The following CDH10 variants were observed in gnomAD, a reference collection of about 807,000 sequenced individuals.
The protein encoded by CDH10 is cadherin 10, also known as cadherin-10.
Under a neutral mutation model 73.1 loss-of-function variants are expected in CDH10, and 30 were observed. That is an observed-to-expected ratio of 0.41 (90% CI 0.31 to 0.56). CDH10 has a LOEUF of 0.56. Ranked by LOEUF, CDH10 falls within the 20% of genes least tolerant of loss-of-function variation. The probability of loss-of-function intolerance (pLI) is 0.27; values close to 1 mark genes in which losing one functional copy is unlikely to be tolerated. For missense variants in CDH10, 815 were observed against 973.7 expected (o/e 0.84, Z 2.17); for synonymous variants, 345 against 348.2 (o/e 0.99, Z 0.10).
At chr5:24,571,134 C>A (rs1054573796) in intron 2 of CDH10, among the ~76,000 whole-genome samples, 2 of 152,090 alleles carry the variant, frequency 1.3e-5, no homozygotes, top group Non-Finnish European at 2.9e-5. Flanking sequence ...CCAATATTTT[C>A]TTTTCATGGA....
chr5:24,560,571 T>A (rs1326705000), intron 2 of CDH10, among the ~76,000 whole-genome samples: 1 of 152,110 alleles, frequency 6.6e-6, no homozygotes, highest in African/African-American at 2.4e-5. Context: ...GCATATTTAT[T>A]ACCTAATTTT....
chr5:24,602,011 G>T (rs1746581301), intron 1 of CDH10, among the ~76,000 whole-genome samples: 1 of 152,032 alleles, frequency 6.6e-6, no homozygotes, highest in South Asian at 2.1e-4. Flanking sequence ...TTTTGTGTAT[G>T]TATGTCTGAC....
At chr5:24,566,161 G>A (rs1745158590) in intron 2 of CDH10, among the ~76,000 whole-genome samples, 1 of 152,070 alleles carries the variant, frequency 6.6e-6, no homozygotes, top group African/African-American at 2.4e-5. Context: ...CCATTCTCAT[G>A]CCTCAGCCTA....
chr5:24,563,022 T>C (rs1745017167), intron 2 of CDH10, among the ~76,000 whole-genome samples: 1 of 152,190 alleles, frequency 6.6e-6, no homozygotes, highest in South Asian at 2.1e-4. Flanking sequence ...AATATTAATT[T>C]GTTATCATAA....
At chr5:24,625,112 AT>A (rs768683868) in intron 1 of CDH10, among the ~76,000 whole-genome samples, 23 of 152,304 alleles carry the variant, frequency 1.5e-4, no homozygotes, top group Non-Finnish European at 2.9e-4. Context: ...TACTTTATTT[AT>A]TAGGTAGAGT....
intron 2 of CDH10, among the ~76,000 whole-genome samples, chr5:24,556,048 C>G (rs573297694): frequency 5.3e-5 from 8 of 151,992 alleles, no homozygotes; most frequent in Admixed American, 6.6e-5. Flanking sequence ...AGAGGAGAAG[C>G]CAATCAATAT....
Position 24,495,082 on chromosome 5 carries a change from A to C in CDH10, c.1516-2157T>G, listed in dbSNP as rs538806413. ...AAATCACAGTGCTTTTGTTTTGGTA[A>C]ATGTGCCGTAAAGACTGGTAACAGA... is the stretch of plus-strand genomic sequence containing the variant. On this transcript the variant is annotated intron_variant, in intron 9 of 11. Coordinates refer to ENST00000264463, the MANE Select transcript of CDH10 (RefSeq NM_006727.5). Among the ~76,000 whole-genome samples the C allele has an allele frequency of 9.1e-4, 139 of 152,220 alleles. 2 individuals are homozygous for C. The highest frequency in any genetic ancestry group is 2.6e-4 in the Admixed American group (4 of 15,294).
chr5:24,504,612 G>T (rs1362461284), intron 8 of CDH10, among the ~76,000 whole-genome samples: 3 of 137,568 alleles, frequency 2.2e-5, no homozygotes, highest in Non-Finnish European at 4.6e-5. Context: ...TGCAACCTCT[G>T]CCTCCCAGGT....
intron 1 of CDH10, among the ~76,000 whole-genome samples, chr5:24,596,058 T>C (rs898414469): frequency 7.9e-5 from 12 of 151,876 alleles, no homozygotes; most frequent in African/African-American, 2.7e-4. Flanking sequence ...ACATAAAGAC[T>C]ACAGTATTTG....
At chr5:24,511,552 AG>A in intron 5 of CDH10, 38 bp from the exon 6 acceptor site, 1 of 176,326 alleles carries the variant, frequency 5.7e-6, no homozygotes, top group Admixed American at 8.8e-5. Context: ...AGACAGAGAG[AG>A]AGAGAGAGAG....
intron 1 of CDH10, among the ~76,000 whole-genome samples, chr5:24,596,469 A>G (rs1746375006): frequency 6.6e-6 from 1 of 151,792 alleles, no homozygotes; most frequent in South Asian, 2.1e-4. Context: ...CTTAACCTCA[A>G]TCTTTCTTAT....
At chr5:24,571,908 T>G (rs919878454) in intron 2 of CDH10, among the ~76,000 whole-genome samples, 1 of 151,746 alleles carries the variant, frequency 6.6e-6, no homozygotes, top group African/African-American at 2.4e-5. Flanking sequence ...CAAGTAAGCA[T>G]GAGCCAGCTC....
At chr5:24,491,512 A>G in intron 11 of CDH10, 64 bp downstream of exon 11, 2 of 1,453,620 alleles carry the variant, frequency 1.4e-6, no homozygotes, top group Non-Finnish European at 1.9e-6. Flanking sequence ...TTTAATAGCC[A>G]CAATTCTTCA....
chr5:24,522,820 G>A (rs539260774), intron 5 of CDH10, among the ~76,000 whole-genome samples: 1 of 152,252 alleles, frequency 6.6e-6, no homozygotes, highest in South Asian at 2.1e-4. Context: ...GCAATGGTAT[G>A]CTCTGCTATA....
intron 1 of CDH10, among the ~76,000 whole-genome samples, chr5:24,614,784 G>T (rs375594932): frequency 1.4e-4 from 21 of 152,124 alleles, no homozygotes; most frequent in African/African-American, 4.6e-4. Flanking sequence ...CTGGGGCATA[G>T]TACAAGACTC....
chr5:24,537,222 T>C (rs1579776356), intron 3 of CDH10, among the ~76,000 whole-genome samples, 158 bp downstream of exon 3: 1 of 151,966 alleles, frequency 6.6e-6, no homozygotes, highest in Non-Finnish European at 1.5e-5. Context: ...CATTGATCTT[T>C]TTTTTTCTGA....
chr5:24,622,876 T>C (rs986149946), intron 1 of CDH10, among the ~76,000 whole-genome samples: 1 of 152,210 alleles, frequency 6.6e-6, no homozygotes, highest in Non-Finnish European at 1.5e-5. Flanking sequence ...TTTTGTAAAT[T>C]TTTAAAAAGT....
intron 5 of CDH10, among the ~76,000 whole-genome samples, chr5:24,534,466 T>A (rs1231410577): frequency 6.6e-6 from 1 of 152,048 alleles, no homozygotes; most frequent in Non-Finnish European, 1.5e-5. Context: ...GAAGAATAAA[T>A]GCATGTGTTT....
chr5:24,489,101 A>G (rs1741954522), intron 11 of CDH10, among the ~76,000 whole-genome samples: 1 of 152,094 alleles, frequency 6.6e-6, no homozygotes, highest in African/African-American at 2.4e-5. Flanking sequence ...TGAGGGAAAA[A>G]GTGTGAACTC....
Sources: gnomAD v4.1 joint callset for allele counts (sites outside exome capture counted in the v4.1 genomes callset) on GRCh38, gnomAD v4.1.1 for gene constraint, MANE v1.5 for transcripts, NCBI Gene and HGNC (gene_info 2026-07-23, HGNC 2026-07-21) for gene names.